The following ASTN2 variants were observed in gnomAD, a reference collection of about 807,000 sequenced individuals.
ASTN2 encodes astrotactin 2.
ASTN2 carries 54 observed loss-of-function variants against 139.8 expected under a neutral mutation model. That is an observed-to-expected ratio of 0.39 (90% confidence interval 0.31 to 0.48). The LOEUF (loss-of-function observed/expected upper bound fraction) is 0.48. Ranked by LOEUF, ASTN2 falls within the 20% of genes least tolerant of loss-of-function variation. The pLI is 0.95. For synonymous variants in ASTN2, 756 were observed against 719.5 expected, an observed-to-expected ratio of 1.05 and a Z score of -0.81; for missense variants, 1,565 against 1,725.1, an observed-to-expected ratio of 0.91 and a Z score of 1.64.
intron 3 of ASTN2, among the ~76,000 whole-genome samples, chr9:117,154,361 A>C (rs1443133446): frequency 2.0e-5 from 3 of 151,982 alleles, no homozygotes; most frequent in Admixed American, 1.3e-4. Context: ...GTCACCATCA[A>C]CAAAAACACA....
chr9:117,324,834 C>T (rs1587948310), intron 1 of ASTN2, among the ~76,000 whole-genome samples: 1 of 152,188 alleles, frequency 6.6e-6, no homozygotes, highest in East Asian at 1.9e-4. Flanking sequence ...GTAGCCACTG[C>T]AGAGATTTAA....
chr9:116,597,628 T>C (rs1339698794), intron 19 of ASTN2, among the ~76,000 whole-genome samples: 9 of 152,082 alleles, frequency 5.9e-5, no homozygotes, highest in Non-Finnish European at 8.8e-5. Flanking sequence ...CAGAATTATA[T>C]TCATGAACTT....
chr9:116,799,583 T>C (rs1357553800), intron 13 of ASTN2, among the ~76,000 whole-genome samples: 3 of 152,040 alleles, frequency 2.0e-5, no homozygotes, highest in African/African-American at 7.2e-5. Flanking sequence ...CTTCCTGTCA[T>C]TTCTGAGACA....
rs532880821 is a variant in ASTN2, at chr9:117,126,347, C to T, written c.1168+14979G>A. On this transcript the variant is annotated intron_variant, in intron 4 of 22. Transcript: ENST00000313400. ...ACAGGAGAACTGGAAGCAGTCAGGT[C>T]TAAATTTACCTCCAAGCTCCTGGCT... is the stretch of plus-strand genomic sequence containing the variant. 5.9e-5 allele frequency among the ~76,000 whole-genome samples: 9 copies of T among 152,312 alleles called. No homozygotes were observed. In the East Asian group the frequency reaches 1.7e-3, roughly 29 times the overall value.
At chr9:117,341,349 G>A (rs1369570968) in intron 1 of ASTN2, among the ~76,000 whole-genome samples, 2 of 152,104 alleles carry the variant, frequency 1.3e-5, no homozygotes, top group Non-Finnish European at 2.9e-5. Flanking sequence ...ACACACAAGA[G>A]ATGGAGATAC....
chr9:116,786,884 GC>G (rs1830393045), intron 13 of ASTN2, among the ~76,000 whole-genome samples: 1 of 152,074 alleles, frequency 6.6e-6, no homozygotes, highest in Non-Finnish European at 1.5e-5. Flanking sequence ...AGTCATGGGG[GC>G]CATTTCCCCC....
chr9:117,337,554 G>T (rs891723035), intron 1 of ASTN2, among the ~76,000 whole-genome samples: 2 of 152,168 alleles, frequency 1.3e-5, no homozygotes, highest in African/African-American at 4.8e-5. Context: ...GGTAAGCACA[G>T]TGAAGAGTAG....
intron 2 of ASTN2, among the ~76,000 whole-genome samples, chr9:117,280,634 G>A (rs1453100402): frequency 6.6e-6 from 1 of 152,160 alleles, no homozygotes; most frequent in Non-Finnish European, 1.5e-5. Context: ...CCCAGGGAGA[G>A]TGTGGCCCTG....
chr9:117,269,893 T>C (rs1587895919), intron 2 of ASTN2, among the ~76,000 whole-genome samples: 1 of 152,236 alleles, frequency 6.6e-6, no homozygotes, highest in African/African-American at 2.4e-5. Flanking sequence ...GCACATACTC[T>C]GCAAGAGGCA....
intron 1 of ASTN2, among the ~76,000 whole-genome samples, chr9:117,370,708 T>G (rs1829967698): frequency 7.0e-6 from 1 of 143,334 alleles, no homozygotes; most frequent in Non-Finnish European, 1.6e-5. Context: ...CATGTCAAAC[T>G]CTTTTTTTTC....
intron 12 of ASTN2, among the ~76,000 whole-genome samples, chr9:116,816,989 T>C (rs1354909293): frequency 6.6e-6 from 1 of 152,050 alleles, no homozygotes. Flanking sequence ...ATTTAAATAG[T>C]ATCCATTTGA....
Position 116,863,571 on chromosome 9 carries a change from A to G in ASTN2, c.2040+12T>C. 1.9e-6 allele frequency: 3 copies of G among 1,613,398 alleles called. No individual in the cohort carries two copies. The highest frequency in any genetic ancestry group is 2.5e-6 in the Non-Finnish European group (3 of 1,179,494). On this transcript the variant is annotated intron_variant, in intron 11 of 22. Transcript: ENST00000313400. Reference sequence around the variant, plus strand: ...GGGCCACTGCCATGTTCCCGGGCCAATGGGCACTTACCACACATCCCGAGG... The same window carrying G: ...GGGCCACTGCCATGTTCCCGGGCCAGTGGGCACTTACCACACATCCCGAGG...
chr9:116,465,485 T>C (rs1404522428), intron 20 of ASTN2, among the ~76,000 whole-genome samples: 1 of 152,188 alleles, frequency 6.6e-6, no homozygotes, highest in Non-Finnish European at 1.5e-5. Flanking sequence ...TATTAAAATA[T>C]TTATTTTCTT....
intron 3 of ASTN2, among the ~76,000 whole-genome samples, chr9:117,164,665 G>A (rs776110233): frequency 4.2e-4 from 64 of 152,012 alleles, no homozygotes; most frequent in Non-Finnish European, 6.3e-4. Context: ...CTGAAGCAGC[G>A]AAGGTTCCTC....
chr9:117,240,291 G>A (rs1300207711), intron 2 of ASTN2, among the ~76,000 whole-genome samples: 1 of 152,136 alleles, frequency 6.6e-6, no homozygotes, highest in Non-Finnish European at 1.5e-5. Flanking sequence ...TTGGTAAGTG[G>A]CAAAGCTGAG....
chr9:117,194,178 G>A (rs1291621335), intron 3 of ASTN2, among the ~76,000 whole-genome samples: 2 of 152,054 alleles, frequency 1.3e-5, no homozygotes, highest in African/African-American at 4.8e-5. Flanking sequence ...CCCTCATGTG[G>A]GCCTTGCCTG....
intron 10 of ASTN2, among the ~76,000 whole-genome samples, chr9:116,945,247 C>T (rs370202261): frequency 6.4e-4 from 97 of 152,288 alleles, no homozygotes; most frequent in African/African-American, 2.1e-3. Context: ...TATCAACTCT[C>T]ACAAATCACT....
intron 10 of ASTN2, among the ~76,000 whole-genome samples, chr9:116,917,654 A>G (rs938207315): frequency 6.6e-6 from 1 of 152,206 alleles, no homozygotes; most frequent in African/African-American, 2.4e-5. Context: ...GAGGATTCCT[A>G]TGTACATTAA....
intron 13 of ASTN2, among the ~76,000 whole-genome samples, chr9:116,798,042 G>T (rs1810980664): frequency 6.6e-6 from 1 of 152,192 alleles, no homozygotes; most frequent in African/African-American, 2.4e-5. Context: ...AGGCTGAGGT[G>T]GAAGGATCAC....
Sources: allele counts gnomAD v4.1 joint callset (sites outside exome capture counted in the v4.1 genomes callset), GRCh38; gene constraint gnomAD v4.1.1; transcripts MANE v1.5; gene names NCBI Gene and HGNC (gene_info 2026-07-23, HGNC 2026-07-21).